Variants in RAB38 observed in about 807,000 individuals in gnomAD.
The protein encoded by RAB38 is RAB38, member RAS oncogene family, also known as ras-related protein Rab-38.
A neutral mutation model predicts 18.4 loss-of-function variants in RAB38; 15 were observed. The ratio of observed to expected loss-of-function variants is 0.82; its 90% CI spans 0.55 to 1.26. The LOEUF is 1.26. Among genes scored for constraint, RAB38 ranks in the 50% most tolerant of loss-of-function variants. The pLI is 0.00. For synonymous variants in RAB38, 101 were observed against 104.4 expected (o/e 0.97, Z 0.20); for missense variants, 294 against 267.4 (o/e 1.10, Z -0.69).
the RAB38 span, among the ~76,000 whole-genome samples, chr11:87,839,510 C>G: frequency 7.9e-5 from 12 of 152,158 alleles, no homozygotes; most frequent in African/African-American, 2.7e-4. Flanking sequence ...ATCAACAAAT[C>G]AATCAAGCTG....
At chr11:87,840,440 G>A in the RAB38 span, among the ~76,000 whole-genome samples, 7 of 152,148 alleles carry the variant, frequency 4.6e-5, no homozygotes, top group African/African-American at 1.7e-4. Context: ...GATCATTCAA[G>A]AAAATGACCT....
the RAB38 span, among the ~76,000 whole-genome samples, chr11:87,959,681 G>A: frequency 1.2e-4 from 19 of 152,292 alleles, no homozygotes; most frequent in African/African-American, 4.1e-4. Flanking sequence ...AAAGTAATAT[G>A]AGCAACTTTT....
chr11:88,009,147 G>T, the RAB38 span, among the ~76,000 whole-genome samples: 1 of 152,064 alleles, frequency 6.6e-6, no homozygotes, highest in Non-Finnish European at 1.5e-5. Context: ...CTGAAATTAG[G>T]TAATTTTAAA....
At chr11:88,005,065 G>A in the RAB38 span, among the ~76,000 whole-genome samples, 1 of 151,344 alleles carries the variant, frequency 6.6e-6, no homozygotes, top group Non-Finnish European at 1.5e-5. Flanking sequence ...CAAAGCAATT[G>A]ATGAATCTAA....
chr11:87,807,807 A>G, the RAB38 span, among the ~76,000 whole-genome samples: 1 of 152,206 alleles, frequency 6.6e-6, no homozygotes, highest in Non-Finnish European at 1.5e-5. Flanking sequence ...TGAGGAGAGT[A>G]GTTCTGATAG....
the RAB38 span, among the ~76,000 whole-genome samples, chr11:88,066,269 T>C: frequency 1.3e-5 from 2 of 152,210 alleles, no homozygotes; most frequent in African/African-American, 2.4e-5. Context: ...CCTGAGGTTA[T>C]TGCAGCTGAA....
chr11:88,161,018 TC>T (rs1217142353), intron 1 of RAB38, among the ~76,000 whole-genome samples: 2 of 151,964 alleles, frequency 1.3e-5, no homozygotes, highest in Non-Finnish European at 2.9e-5. Flanking sequence ...AAAACCTCTA[TC>T]TCCATTAGAA....
chr11:88,071,397 G>A, the RAB38 span, among the ~76,000 whole-genome samples: 4 of 152,134 alleles, frequency 2.6e-5, no homozygotes, highest in Non-Finnish European at 4.4e-5. Context: ...CTGTTTCTGG[G>A]AGAGTGACAG....
At chr11:87,922,262 T>A in the RAB38 span, among the ~76,000 whole-genome samples, 1 of 151,944 alleles carries the variant, frequency 6.6e-6, no homozygotes, top group Non-Finnish European at 1.5e-5. Context: ...AAATCTGTCA[T>A]CCACCCCCAC....
chr11:88,044,271 C>T, the RAB38 span, among the ~76,000 whole-genome samples: 3 of 152,174 alleles, frequency 2.0e-5, no homozygotes, highest in African/African-American at 7.2e-5. Flanking sequence ...AGTACTGCTT[C>T]TCTGGTGGGG....
the RAB38 span, among the ~76,000 whole-genome samples, chr11:87,833,511 C>T: frequency 1.3e-5 from 2 of 152,250 alleles, no homozygotes; most frequent in Non-Finnish European, 2.9e-5. Context: ...CAGAGTCTCC[C>T]CCTTCATAAT....
chr11:87,954,319 G>C, the RAB38 span, among the ~76,000 whole-genome samples: 1 of 152,058 alleles, frequency 6.6e-6, no homozygotes. Context: ...AGAACTTTGA[G>C]ACTCATCACA....
chr11:88,026,943 G>A, the RAB38 span, among the ~76,000 whole-genome samples: 2 of 152,026 alleles, frequency 1.3e-5, no homozygotes, highest in African/African-American at 4.8e-5. Context: ...AATTGGCCTG[G>A]ATACTCATTT....
downstream of RAB38, among the ~76,000 whole-genome samples, chr11:88,110,813 C>CAAA (rs10700245): frequency 5.2e-5 from 6 of 115,260 alleles, no homozygotes; most frequent in African/African-American, 1.5e-4. Flanking sequence ...GACTCCATCT[C>CAAA]AAAAAAAAAA....
At chr11:88,161,453 C>T (rs904367708) in intron 1 of RAB38, among the ~76,000 whole-genome samples, 1 of 152,054 alleles carries the variant, frequency 6.6e-6, no homozygotes, top group Non-Finnish European at 1.5e-5. Flanking sequence ...AAAATTTCTA[C>T]ACCACTGACA....
chr11:87,849,461 G>T, the RAB38 span, among the ~76,000 whole-genome samples: 1 of 152,130 alleles, frequency 6.6e-6, no homozygotes, highest in Non-Finnish European at 1.5e-5. Context: ...TAGAGCTTTT[G>T]GTGGGTATCT....
At chr11:87,955,435 G>A in the RAB38 span, among the ~76,000 whole-genome samples, 13 of 152,036 alleles carry the variant, frequency 8.6e-5, no homozygotes, top group Admixed American at 2.0e-4. Flanking sequence ...ATGATCATCC[G>A]TATTCCAAAC....
At chr11:88,114,212 G>A in intron 2 of RAB38, 72 bp from the exon 3 acceptor site, 1 of 1,496,922 alleles carries the variant, frequency 6.7e-7, no homozygotes, top group Non-Finnish European at 9.2e-7. Context: ...AGACTTATAT[G>A]TGACAATTCA....
chr11:88,173,386 C>T (rs1460801267), intron 1 of RAB38, among the ~76,000 whole-genome samples: 1 of 151,930 alleles, frequency 6.6e-6, no homozygotes, highest in Non-Finnish European at 1.5e-5. Context: ...GTAAGGAAAC[C>T]AAAACAAGGA....
Sources: gnomAD v4.1 joint callset for allele counts (sites outside exome capture counted in the v4.1 genomes callset) on GRCh38, gnomAD v4.1.1 for gene constraint, MANE v1.5 for transcripts, NCBI Gene and HGNC (gene_info 2026-07-23, HGNC 2026-07-21) for gene names.